IQCM: variants seen among roughly 807,000 people sequenced by gnomAD.
IQCM encodes IQ motif containing M.
Under a neutral mutation model 57.6 loss-of-function variants are expected in IQCM, and 45 were observed. The observed-to-expected ratio is 0.78, with a 90% CI of 0.62 to 1.00. IQCM has a LOEUF of 1.00. Among genes scored for constraint, IQCM ranks in the 50% least tolerant of loss-of-function variants. The pLI is 0.00. For synonymous variants in IQCM, 148 were observed against 158.9 expected (o/e 0.93, Z 0.51); for missense variants, 468 against 511.6 (o/e 0.91, Z 0.82).
intron 7 of IQCM, among the ~76,000 whole-genome samples, chr4:149,644,266 GA>G (rs1344734348): frequency 3.3e-5 from 5 of 151,902 alleles, no homozygotes; most frequent in Admixed American, 2.6e-4. Flanking sequence ...AAACAATATA[GA>G]TGCTACCACC....
intron 12 of IQCM, among the ~76,000 whole-genome samples, chr4:149,452,249 G>T (rs543017697): frequency 3.3e-5 from 5 of 151,502 alleles, no homozygotes; most frequent in Admixed American, 2.6e-4. Flanking sequence ...ACTCAATATT[G>T]TTAAGACATC....
At chr4:149,407,370 C>T (rs1001248936) in intron 13 of IQCM, among the ~76,000 whole-genome samples, 1 of 152,062 alleles carries the variant, frequency 6.6e-6, no homozygotes, top group African/African-American at 2.4e-5. Context: ...AGTTGTGTTA[C>T]ATGATTATAT....
intron 3 of IQCM, among the ~76,000 whole-genome samples, chr4:149,738,994 CCATCTAGT>C (rs1233002093): frequency 6.6e-6 from 1 of 152,126 alleles, no homozygotes; most frequent in Non-Finnish European, 1.5e-5. Flanking sequence ...TATTAAAGCT[CCATCTAGT>C]CAATAATCTT....
At chr4:149,368,103 G>C (rs1429875772) in intron 13 of IQCM, among the ~76,000 whole-genome samples, 1 of 151,848 alleles carries the variant, frequency 6.6e-6, no homozygotes, top group Admixed American at 6.6e-5. Context: ...ATAAAAGTTT[G>C]AAATTTATAT....
chr4:149,789,489 A>G (rs1269124916), intron 2 of IQCM, among the ~76,000 whole-genome samples: 1 of 152,180 alleles, frequency 6.6e-6, no homozygotes, highest in East Asian at 1.9e-4. Context: ...TAAATTTATC[A>G]TCTCAATATT....
intron 2 of IQCM, among the ~76,000 whole-genome samples, chr4:149,808,321 A>G (rs901414184): frequency 2.0e-5 from 3 of 152,180 alleles, no homozygotes; most frequent in African/African-American, 7.2e-5. Context: ...AGAAAGACAA[A>G]TATTGCATGT....
At chr4:149,774,458 C>T (rs1288975736) in intron 2 of IQCM, among the ~76,000 whole-genome samples, 2 of 152,142 alleles carry the variant, frequency 1.3e-5, no homozygotes, top group Non-Finnish European at 2.9e-5. Flanking sequence ...GACATGGCTG[C>T]CCCCACATAT....
intron 9 of IQCM, among the ~76,000 whole-genome samples, chr4:149,583,898 G>C (rs945431181): frequency 6.0e-5 from 9 of 151,054 alleles, no homozygotes; most frequent in African/African-American, 2.2e-4. Flanking sequence ...CTAAAAAAGA[G>C]AAAATATATT....
At chr4:149,626,541 T>C (rs1503744) in intron 7 of IQCM, among the ~76,000 whole-genome samples, 29,781 of 151,586 alleles carry the variant, frequency 0.2, 3,376 homozygotes, top group South Asian at 0.33. Context: ...TAGAAAAGAA[T>C]GTGATATAGA....
intron 7 of IQCM, among the ~76,000 whole-genome samples, chr4:149,646,690 A>G (rs1022595149): frequency 6.6e-6 from 1 of 152,176 alleles, no homozygotes; most frequent in African/African-American, 2.4e-5. Context: ...TGTTCAATTA[A>G]TAACTTTTTT....
At chr4:149,609,013 CAA>C (rs1755040629) in intron 8 of IQCM, among the ~76,000 whole-genome samples, 1 of 151,398 alleles carries the variant, frequency 6.6e-6, no homozygotes, top group African/African-American at 2.4e-5. Context: ...ACTGAAAAAA[CAA>C]AGACAGAAGA....
intron 12 of IQCM, among the ~76,000 whole-genome samples, chr4:149,460,508 G>A (rs1193197559): frequency 6.6e-6 from 1 of 152,086 alleles, no homozygotes; most frequent in Non-Finnish European, 1.5e-5. Context: ...CCAAAGAAAT[G>A]TTTAAATTAC....
At chr4:149,560,124 A>G in intron 10 of IQCM, among the ~76,000 whole-genome samples, 1 of 152,234 alleles carries the variant, frequency 6.6e-6, no homozygotes, top group East Asian at 1.9e-4. Context: ...GACCTGTCCT[A>G]TAGGCTTCAT....
At position 149,736,716 on chromosome 4, in the gene IQCM, T is replaced by C. The variant is rs146460947; in HGVS notation, c.38-1258A>G. Among the ~76,000 whole-genome samples, 978 of 152,302 alleles carry C rather than the reference T, an allele frequency of 6.4e-3. 16 individuals carry two copies. Among genetic ancestry groups the C allele is most frequent in the African/African-American group, 0.021 (889 of 41,572 alleles). On this transcript the variant is annotated intron_variant, in intron 3 of 13. Coordinates refer to ENST00000636793, the MANE Select transcript of IQCM (RefSeq NM_001363507.2). ...AGTGTTGATGAGGCTGTAGAGCTAC[T>C]GGAACCCTCAAGTATTGCTGGTGGA...
chr4:149,472,612 A>G (rs1739698666), intron 12 of IQCM, among the ~76,000 whole-genome samples: 1 of 152,154 alleles, frequency 6.6e-6, no homozygotes, highest in Non-Finnish European at 1.5e-5. Context: ...ACAGAATTGG[A>G]AAAAACTACT....
At position 149,412,480 on chromosome 4, in the gene IQCM, C is replaced by A. The variant is rs188665235; in HGVS notation, c.1390+20916G>T. Among the ~76,000 whole-genome samples, 14 of 152,180 alleles carry A rather than the reference C, an allele frequency of 9.2e-5. No homozygotes were observed. In the East Asian group the frequency reaches 2.7e-3, roughly 30 times the overall value. On this transcript the variant is annotated intron_variant, in intron 13 of 13. Transcript: ENST00000636793. ...TCAAACCATATATTTGTTTGCCTTA[C>A]TGTTGGTTATAAGCAGTAGTAGTAC...
chr4:149,658,063 A>G (rs373440016), intron 7 of IQCM, among the ~76,000 whole-genome samples: 1 of 151,788 alleles, frequency 6.6e-6, no homozygotes, highest in African/African-American at 2.4e-5. Flanking sequence ...TTCCCTGTGC[A>G]TTTGAGTCTC....
At position 149,396,011 on chromosome 4, in the gene IQCM, T is replaced by C. The variant is rs28566169; in HGVS notation, c.1390+37385A>G. Among the ~76,000 whole-genome samples, 313 of 152,080 alleles carry C rather than the reference T, an allele frequency of 2.1e-3. 3 individuals carry two copies. The highest frequency in any genetic ancestry group is 7.1e-3 in the African/African-American group (296 of 41,540). ...AAACAAGTAGGCAATTAGCAAAAAA[T>C]GACAAGATTTTTGTTAAATTTCTAT... On this transcript the variant is annotated intron_variant, in intron 13 of 13. Transcript: ENST00000636793.
intron 13 of IQCM, among the ~76,000 whole-genome samples, chr4:149,380,330 A>C (rs1730990362): frequency 6.6e-6 from 1 of 152,150 alleles, no homozygotes; most frequent in South Asian, 2.1e-4. Flanking sequence ...ATACACACAA[A>C]GTCCCAAATC....
Sources: gnomAD v4.1 joint callset for allele counts (sites outside exome capture counted in the v4.1 genomes callset) on GRCh38, gnomAD v4.1.1 for gene constraint, MANE v1.5 for transcripts, NCBI Gene and HGNC (gene_info 2026-07-23, HGNC 2026-07-21) for gene names.